SNED1: variants seen among roughly 807,000 people sequenced by gnomAD.
SNED1 encodes the protein sushi, nidogen and EGF-like domain-containing protein 1.
Under a neutral mutation model 166.7 loss-of-function variants are expected in SNED1, and 81 were observed. The observed-to-expected ratio is 0.49, with a 90% CI of 0.41 to 0.58. The LOEUF is 0.58. SNED1 is among the 20% of genes least tolerant of loss of function. The probability of loss-of-function intolerance (pLI) is 0.00; values close to 1 mark genes in which losing one functional copy is unlikely to be tolerated. For missense variants in SNED1, 1,604 were observed against 2,000.2 expected (o/e 0.80, Z 3.78); for synonymous variants, 762 against 822.0 (o/e 0.93, Z 1.25).
intron 21 of SNED1, among the ~76,000 whole-genome samples, chr2:241,067,070 G>A (rs939360166): frequency 1.3e-4 from 20 of 152,238 alleles, no homozygotes; most frequent in Non-Finnish European, 2.1e-4. Flanking sequence ...CTGCAAGGCC[G>A]CCCCATGTGA....
intron 21 of SNED1, among the ~76,000 whole-genome samples, chr2:241,066,243 T>G (rs556686478): frequency 6.6e-6 from 1 of 152,024 alleles, no homozygotes; most frequent in East Asian, 1.9e-4. Context: ...GTGCACAGCC[T>G]GTGGGGTTGT....
intron 30 of SNED1, chr2:241,087,917 T>G (rs1239129886): frequency 2.4e-6 from 1 of 417,140 alleles, no homozygotes; most frequent in Non-Finnish European, 4.2e-6. Flanking sequence ...GTGAGAATAT[T>G]ATATGCTTTA....
At chr2:241,065,099 C>T (rs1434362995) in intron 20 of SNED1, 142 bp downstream of exon 20, 2 of 819,504 alleles carry the variant, frequency 2.4e-6, no homozygotes, top group Non-Finnish European at 3.7e-6. Flanking sequence ...GATAAAATCC[C>T]CCGGTGGGCT....
At chr2:241,040,789 T>C in intron 8 of SNED1, 1 of 475,844 alleles carries the variant, frequency 2.1e-6, no homozygotes, top group Non-Finnish European at 4.3e-6. Flanking sequence ...CCTCTCCTAC[T>C]CTAGAACCCT....
rs568192989 is a variant in SNED1, at chr2:241,082,226, A to T, written c.4034-51A>T. On this transcript the variant is annotated intron_variant, in intron 28 of 31. Transcript: ENST00000310397. ...TTGGGCAAGGCCTCTCAAGAGGGGC[A>T]GGAGGAGCCGTCAGGAGCACCTGGT... The T allele has an allele frequency of 3.1e-5, 45 of 1,461,276 alleles. No individual in the cohort carries two copies. The South Asian group carries it at 5.1e-4, about 17-fold the overall frequency. 90.5% of individuals were successfully genotyped at this position (1,461,276 alleles called of 1,614,324 possible).
At chr2:241,019,753 C>T (rs754946414) in intron 1 of SNED1, among the ~76,000 whole-genome samples, 3 of 152,152 alleles carry the variant, frequency 2.0e-5, no homozygotes, top group Non-Finnish European at 4.4e-5. Flanking sequence ...AAATCAGTGA[C>T]CAGGATTTGT....
At chr2:241,030,113 A>G (rs13389328) in intron 1 of SNED1, among the ~76,000 whole-genome samples, 171 bp from the exon 2 acceptor site, 2,183 of 152,352 alleles carry the variant, frequency 0.014, 49 homozygotes, top group African/African-American at 0.05. Context: ...GGAGCAGGCC[A>G]TGCTGGGCCC....
In SNED1 at chr2:241,069,062, G is replaced by A. The variant is rs768173462; in HGVS notation, c.3307+39G>A. ...CGCGGCCCCCGGCACACGAAAGGCC[G>A]TCTTCTAGAAGCTCTGGCTTCCTTC... On this transcript the variant is annotated intron_variant, in intron 23 of 31. Coordinates refer to ENST00000310397, the MANE Select transcript of SNED1 (RefSeq NM_001080437.3). The surrounding 1 kb of genome is among the most constrained non-coding windows in gnomAD (Gnocchi z 4.9). 68 of 1,393,030 alleles carry A rather than the reference G, an allele frequency of 4.9e-5. 3 individuals are homozygous for A. In the South Asian group the frequency reaches 5.3e-4, roughly 11 times the overall value. 86.3% of individuals were successfully genotyped at this position (1,393,030 alleles called of 1,614,324 possible).
rs1042444821 is a variant in SNED1 at position 241,091,033 on chromosome 2, C to T, written c.*2-605C>T. On this transcript the variant is annotated intron_variant, in intron 31 of 31. Transcript: ENST00000310397. The surrounding 1 kb of genome is among the most constrained non-coding windows in gnomAD (Gnocchi z 4.1). ...ATAATTTGGGTTTGAGATATTTATA[C>T]GGTGGTAAGTCACCTGAAATATTAA... Among the ~76,000 whole-genome samples the T allele has an allele frequency of 1.1e-4, 16 of 152,224 alleles. No individual in the cohort carries two copies. The highest frequency in any genetic ancestry group is 3.4e-4 in the African/African-American group (14 of 41,542).
In SNED1 at chr2:241,064,773, A is replaced by T; in HGVS notation, c.2600-71A>T. On this transcript the variant is annotated intron_variant, in intron 19 of 31. Transcript: ENST00000310397. This position sits in a 1 kb window ranked among gnomAD's most constrained non-coding sequence, Gnocchi z 7.0. Reference sequence around the variant, plus strand: ...CGCAGGAGGGACCCAGTGCCCCAGGAGCAAGGGCGGGGCTGGAGCAGGGAC... The same window carrying T: ...CGCAGGAGGGACCCAGTGCCCCAGGTGCAAGGGCGGGGCTGGAGCAGGGAC... 1 of 1,120,700 alleles carries T rather than the reference A, an allele frequency of 8.9e-7. No homozygotes were observed. Among genetic ancestry groups the T allele is most frequent in the Non-Finnish European group, 1.3e-6 (1 of 798,676 alleles). The allele number at this position is 1,120,700 out of a possible 1,614,324, so 69.4% of individuals were successfully genotyped here. A position where few individuals can be genotyped will look rare whatever the true frequency, so the allele number is the denominator to read the frequency against.
At chr2:241,043,786 T>C (rs2061575173) in intron 8 of SNED1, among the ~76,000 whole-genome samples, 1 of 152,236 alleles carries the variant, frequency 6.6e-6, no homozygotes. Flanking sequence ...AACTCAACTC[T>C]ACCATTGTAA....
At chr2:241,050,087 G>A (rs1163068727) in intron 12 of SNED1, 154 bp downstream of exon 12, 1 of 703,748 alleles carries the variant, frequency 1.4e-6, no homozygotes, top group Non-Finnish European at 2.6e-6. Context: ...TGTGTATTTA[G>A]AGGTGAGCAC....
At chr2:241,044,583 A>T (rs2061600359) in intron 8 of SNED1, among the ~76,000 whole-genome samples, 2 of 152,200 alleles carry the variant, frequency 1.3e-5, no homozygotes, top group African/African-American at 4.8e-5. Context: ...GCCAGGACTC[A>T]AAGCCACCTC....
intron 16 of SNED1, among the ~76,000 whole-genome samples, chr2:241,059,155 GA>G (rs1454227829): frequency 2.6e-5 from 4 of 152,118 alleles, no homozygotes; most frequent in Non-Finnish European, 1.5e-5. Flanking sequence ...CAACTTAGGG[GA>G]AATGGATACC....
intron 28 of SNED1, 42 bp from the exon 29 acceptor site, chr2:241,082,235 C>T (rs2063363269): frequency 6.0e-6 from 9 of 1,512,098 alleles, no homozygotes; most frequent in African/African-American, 2.7e-5. Flanking sequence ...CAGGAGGAGC[C>T]GTCAGGAGCA....
At position 241,030,378 on chromosome 2, in the gene SNED1, C is replaced by T; in HGVS notation, c.308C>T (p.Ala103Val). The change falls in exon 2 of 32, where the codon GCC becomes GTC. Residue 103 changes from alanine to valine, a missense_variant. Ala to Val is a moderately conservative substitution (Grantham distance 64). This residue lies in a region of SNED1 where 1,237 missense variants were observed against 1,620.8 expected (regional missense o/e 0.76). Coordinates refer to ENST00000310397, the MANE Select transcript of SNED1 (RefSeq NM_001080437.3). ...PIAKDRCVVA[A>V]FWADVDNRRA... The stretch of plus-strand genomic sequence containing the variant: ...GCCAAGGACCGCTGCGTGGTGGCAG[C>T]CTTCTGGGCAGATGTGGACAACCGG... The T allele has an allele frequency of 6.2e-7, 1 of 1,612,500 alleles. No homozygotes were observed. The highest frequency in any genetic ancestry group is 8.5e-7 in the Non-Finnish European group (1 of 1,179,350).
At chr2:241,035,955 G>A (rs1473798448) in intron 4 of SNED1, among the ~76,000 whole-genome samples, 1 of 86,790 alleles carries the variant, frequency 1.2e-5, no homozygotes, top group African/African-American at 4.9e-5. Flanking sequence ...GTGCCACGGG[G>A]TTGGAGGTGG....
chr2:241,087,675 G>A, intron 30 of SNED1, 200 bp downstream of exon 30: 1 of 1,372,186 alleles, frequency 7.3e-7, no homozygotes, highest in Non-Finnish European at 9.4e-7. Flanking sequence ...ACCCAGAGGG[G>A]CACAGCCGGG....
intron 5 of SNED1, 88 bp from the exon 6 acceptor site, chr2:241,037,152 C>G (rs966092144): frequency 8.2e-7 from 1 of 1,215,180 alleles, no homozygotes; most frequent in Non-Finnish European, 1.2e-6. Context: ...GCTTGCTCCT[C>G]CTCCGTCCCC....
Sources: allele counts gnomAD v4.1 joint callset (sites outside exome capture counted in the v4.1 genomes callset), GRCh38; gene constraint gnomAD v4.1.1; regional missense constraint gnomAD v4.1.1; non-coding constraint Gnocchi (gnomAD v3.1); transcripts MANE v1.5; gene names NCBI Gene and HGNC (gene_info 2026-07-23, HGNC 2026-07-21).